Variants in ZNF609 observed in about 807,000 individuals in gnomAD.
ZNF609 encodes zinc finger protein 609.
Under a neutral mutation model 109.5 loss-of-function variants are expected in ZNF609, and 11 were observed. The ratio of observed to expected loss-of-function variants is 0.10; its 90% CI spans 0.06 to 0.17. ZNF609 has a LOEUF of 0.17. Ranked by LOEUF, ZNF609 falls within the 10% of genes least tolerant of loss-of-function variation. ZNF609 has a pLI of 1.00. For missense variants in ZNF609, 1,559 were observed against 1,772.4 expected (o/e 0.88, Z 2.16); for synonymous variants, 646 against 662.0 (o/e 0.98, Z 0.37).
intron 2 of ZNF609, among the ~76,000 whole-genome samples, chr15:64,578,865 T>C (rs1040682161): frequency 6.6e-6 from 1 of 152,078 alleles, no homozygotes; most frequent in Non-Finnish European, 1.5e-5. Context: ...ATGGGTATGG[T>C]GGCATGTGCG....
At chr15:64,644,240 A>G (rs937210148) in intron 3 of ZNF609, among the ~76,000 whole-genome samples, 3 of 152,236 alleles carry the variant, frequency 2.0e-5, no homozygotes, top group Non-Finnish European at 4.4e-5. Context: ...GCTCACACCT[A>G]TAATCCCAGT....
At position 64,521,639 on chromosome 15, in the gene ZNF609, T is replaced by C. The variant is rs139731696; in HGVS notation, c.747+21473T>C. Among the ~76,000 whole-genome samples the C allele has an allele frequency of 2.3e-3, 343 of 152,316 alleles. 2 individuals are homozygous for C. The highest frequency in any genetic ancestry group is 8.0e-3 in the African/African-American group (334 of 41,566). The stretch of plus-strand genomic sequence containing the variant: ...GTAGAATCAAGGCTCATAACCTTTA[T>C]GAAAATACCCTAAGCAGGGAACCTT... On this transcript the variant is annotated intron_variant, in intron 2 of 9. Coordinates refer to ENST00000326648, the MANE Select transcript of ZNF609 (RefSeq NM_015042.2).
At chr15:64,641,389 G>A (rs1305196911) in intron 3 of ZNF609, among the ~76,000 whole-genome samples, 6 of 150,520 alleles carry the variant, frequency 4.0e-5, no homozygotes, top group Admixed American at 4.0e-4. Context: ...GGCTAATTTT[G>A]TATTTTTAGT....
intron 2 of ZNF609, among the ~76,000 whole-genome samples, chr15:64,586,927 CTCTTG>C (rs994507818): frequency 1.3e-5 from 2 of 152,140 alleles, no homozygotes; most frequent in African/African-American, 4.8e-5. Flanking sequence ...CAACCTGTGG[CTCTTG>C]TCTTTTATCT....
At chr15:64,633,694 C>T (rs896158615) in intron 3 of ZNF609, among the ~76,000 whole-genome samples, 1 of 152,114 alleles carries the variant, frequency 6.6e-6, no homozygotes, top group African/African-American at 2.4e-5. Context: ...GCCTGCAAGG[C>T]CCAAAATATT....
intron 2 of ZNF609, among the ~76,000 whole-genome samples, chr15:64,597,172 T>C (rs1895410494): frequency 6.6e-6 from 1 of 152,158 alleles, no homozygotes; most frequent in African/African-American, 2.4e-5. Flanking sequence ...CTAATCACTC[T>C]AAGGTCACAG....
chr15:64,474,038 G>A (rs1185393623), intron 1 of ZNF609, among the ~76,000 whole-genome samples: 1 of 152,102 alleles, frequency 6.6e-6, no homozygotes, highest in Non-Finnish European at 1.5e-5. Context: ...CTCCCAAAGT[G>A]CGGAGATTAC....
chr15:64,640,037 A>G (rs1896230669), intron 3 of ZNF609, among the ~76,000 whole-genome samples: 1 of 152,064 alleles, frequency 6.6e-6, no homozygotes, highest in South Asian at 2.1e-4. Flanking sequence ...CTCTTGTCTC[A>G]GCCTCCTGAG....
intron 3 of ZNF609, among the ~76,000 whole-genome samples, chr15:64,668,932 A>G (rs540391285): frequency 5.1e-4 from 76 of 147,658 alleles, no homozygotes; most frequent in Non-Finnish European, 1.0e-3. Context: ...AGCCTGGGCA[A>G]CAAGAGCGAA....
intron 2 of ZNF609, among the ~76,000 whole-genome samples, chr15:64,602,419 A>C (rs1286478184): frequency 1.3e-5 from 2 of 152,184 alleles, no homozygotes; most frequent in Admixed American, 1.3e-4. Flanking sequence ...ACTAGTAGTA[A>C]TTACCCCAGA....
At position 64,499,253 on chromosome 15, in the gene ZNF609, ATTG is replaced by A. The variant is rs1442393232; in HGVS notation, c.-127-37_-127-35del. 7 of 846,172 alleles carry A rather than the reference ATTG, an allele frequency of 8.3e-6. No individual in the cohort carries two copies. The Admixed American group carries it at 1.2e-4, about 15-fold the overall frequency. 52.4% of individuals were successfully genotyped at this position (846,172 alleles called of 1,614,324 possible). On this transcript the variant is annotated intron_variant, in intron 1 of 9. Coordinates refer to ENST00000326648, the MANE Select transcript of ZNF609 (RefSeq NM_015042.2). ...TTTATTTCAGGCGTCTCTTGCCTGT[ATTG>A]TTTCTTTTAACAGCTTTTTAAATTT...
At chr15:64,592,652 G>A (rs990821932) in intron 2 of ZNF609, among the ~76,000 whole-genome samples, 35 of 151,468 alleles carry the variant, frequency 2.3e-4, no homozygotes, top group African/African-American at 7.8e-4. Flanking sequence ...GGTGGTTCAC[G>A]AGGCCCGCAA....
chr15:64,627,373 T>C (rs1007663314), intron 3 of ZNF609, among the ~76,000 whole-genome samples: 20 of 152,152 alleles, frequency 1.3e-4, no homozygotes, highest in Middle Eastern at 3.2e-3. Flanking sequence ...AGGCTGACTT[T>C]AGGTAAGAGT....
At chr15:64,610,249 T>A (rs1895695732) in intron 2 of ZNF609, among the ~76,000 whole-genome samples, 1 of 151,976 alleles carries the variant, frequency 6.6e-6, no homozygotes, top group African/African-American at 2.4e-5. Flanking sequence ...CACTTATTAG[T>A]GAGAGCTAAA....
At chr15:64,474,994 A>G (rs540169673) in intron 1 of ZNF609, among the ~76,000 whole-genome samples, 102 of 150,698 alleles carry the variant, frequency 6.8e-4, no homozygotes, top group Admixed American at 2.5e-3. Context: ...GGCTCTTGCT[A>G]TGTTTCCCTG....
At chr15:64,488,849 G>T (rs1182945155) in intron 1 of ZNF609, among the ~76,000 whole-genome samples, 1 of 151,760 alleles carries the variant, frequency 6.6e-6, no homozygotes, top group Non-Finnish European at 1.5e-5. Context: ...AAGGTGAGAG[G>T]ATCTCTTGAA....
At chr15:64,499,192 A>G in intron 1 of ZNF609, 101 bp from the exon 2 acceptor site, 1 of 522,798 alleles carries the variant, frequency 1.9e-6, no homozygotes, top group Non-Finnish European at 3.4e-6. Context: ...TTGTGATATG[A>G]TAGCCCCATA....
chr15:64,658,205 T>TA (rs1450748468), intron 3 of ZNF609, among the ~76,000 whole-genome samples: 40 of 150,570 alleles, frequency 2.7e-4, no homozygotes, highest in African/African-American at 9.0e-4. Flanking sequence ...AAATTACTAT[T>TA]TTTTTTTTTT....
intron 3 of ZNF609, among the ~76,000 whole-genome samples, chr15:64,664,689 ATGTG>A (rs1173843048): frequency 6.6e-6 from 1 of 152,108 alleles, no homozygotes; most frequent in Non-Finnish European, 1.5e-5. Context: ...AACCTCATCA[ATGTG>A]TGTTTCCTTT....
Sources: gnomAD v4.1 joint callset for allele counts (sites outside exome capture counted in the v4.1 genomes callset) on GRCh38, gnomAD v4.1.1 for gene constraint, MANE v1.5 for transcripts, NCBI Gene and HGNC (gene_info 2026-07-23, HGNC 2026-07-21) for gene names.